The following IQSEC1 variants were observed in gnomAD, a reference collection of about 807,000 sequenced individuals.
IQSEC1 encodes IQ motif and SEC7 domain-containing protein 1.
IQSEC1 carries 31 observed loss-of-function variants against 91.0 expected under a neutral mutation model. The observed-to-expected ratio is 0.34, with a 90% confidence interval of 0.26 to 0.46. IQSEC1 has a LOEUF of 0.46. Among genes scored for constraint, IQSEC1 ranks in the 20% least tolerant of loss-of-function variants. IQSEC1 has a pLI of 1.00. For synonymous variants in IQSEC1, 699 were observed against 662.6 expected (o/e 1.05, Z -0.84); for missense variants, 1,388 against 1,575.6 (o/e 0.88, Z 2.02).
At chr3:13,066,870 G>A (rs1705252413) in intron 1 of IQSEC1, among the ~76,000 whole-genome samples, 1 of 152,270 alleles carries the variant, frequency 6.6e-6, no homozygotes, top group African/African-American at 2.4e-5. Context: ...TGGACTAGAT[G>A]TCCAGTGACC....
intron 1 of IQSEC1, among the ~76,000 whole-genome samples, chr3:13,021,399 G>A (rs1216280698): frequency 1.3e-5 from 2 of 152,158 alleles, no homozygotes; most frequent in South Asian, 2.1e-4. Context: ...AAAGCTCAAC[G>A]GCAAGGGTCA....
rs955265569 is a variant in IQSEC1 at position 12,900,210 on chromosome 3, CTA to C, written c.*771_*772del. 3.1e-6 allele frequency: 3 copies of C among 981,056 alleles called. No homozygotes were observed. Among genetic ancestry groups the C allele is most frequent in the African/African-American group, 3.5e-5 (2 of 57,032 alleles). The allele number at this position is 981,056 out of a possible 1,614,324, so 60.8% of individuals were successfully genotyped here. On this transcript the variant is annotated 3_prime_UTR_variant, in exon 14 of 14. Transcript: ENST00000613206. ...ACTGGACTTTTTAAACAGTTAGATG[CTA>C]TGTTACTTGGCACAGTTAGTAATGA...
intron 1 of IQSEC1, among the ~76,000 whole-genome samples, chr3:13,273,104 G>A (rs1332660523): frequency 7.9e-5 from 12 of 152,148 alleles, no homozygotes; most frequent in Non-Finnish European, 1.6e-4. Context: ...CATTTTACAG[G>A]TGAGGAAGCT....
chr3:12,959,411 G>A (rs759926419), intron 1 of IQSEC1, among the ~76,000 whole-genome samples: 3 of 152,160 alleles, frequency 2.0e-5, no homozygotes, highest in Non-Finnish European at 2.9e-5. Context: ...TCCACACCCC[G>A]CCCTCCAGAG....
At chr3:12,911,957 G>A (rs573430338) in intron 9 of IQSEC1, among the ~76,000 whole-genome samples, 49 of 152,314 alleles carry the variant, frequency 3.2e-4, no homozygotes, top group African/African-American at 1.1e-3. Context: ...ACATAGAGGC[G>A]GTAGGCACTT....
At chr3:13,014,916 C>A (rs902114483) in intron 1 of IQSEC1, among the ~76,000 whole-genome samples, 1 of 152,138 alleles carries the variant, frequency 6.6e-6, no homozygotes, top group Non-Finnish European at 1.5e-5. Flanking sequence ...TGGGCTACTG[C>A]CAGATGGGAA....
intron 1 of IQSEC1, among the ~76,000 whole-genome samples, chr3:13,038,532 G>A (rs188816032): frequency 6.6e-6 from 1 of 152,082 alleles, no homozygotes; most frequent in East Asian, 1.9e-4. Context: ...GGTAGGTATG[G>A]TTAATGAATA....
chr3:13,233,113 G>A (rs928717581), intron 1 of IQSEC1, among the ~76,000 whole-genome samples: 2 of 152,202 alleles, frequency 1.3e-5, no homozygotes, highest in African/African-American at 2.4e-5. Flanking sequence ...ACTTAAAAAT[G>A]GTGACAATGG....
At chr3:13,070,864 A>G (rs931550521) in intron 1 of IQSEC1, among the ~76,000 whole-genome samples, 4 of 152,248 alleles carry the variant, frequency 2.6e-5, no homozygotes, top group Non-Finnish European at 5.9e-5. Context: ...TCCAGGAATC[A>G]GCAAATCCAC....
intron 6 of IQSEC1, among the ~76,000 whole-genome samples, chr3:12,919,059 C>T (rs1343083087): frequency 6.6e-6 from 1 of 151,954 alleles, no homozygotes; most frequent in African/African-American, 2.4e-5. Context: ...GGCTTGGCCC[C>T]ATGAGAAGGG....
chr3:12,947,791 G>A (rs1458370338), intron 1 of IQSEC1, among the ~76,000 whole-genome samples: 9 of 152,202 alleles, frequency 5.9e-5, no homozygotes, highest in Admixed American at 4.6e-4. Flanking sequence ...CCAGACTGGG[G>A]ACTCCAAGCT....
At chr3:13,101,123 C>A (rs748058198) in intron 2 of IQSEC1, among the ~76,000 whole-genome samples, 2 of 152,106 alleles carry the variant, frequency 1.3e-5, no homozygotes, top group Non-Finnish European at 2.9e-5. Flanking sequence ...TTCTGCTAAG[C>A]GCAGCGAGGA....
At position 13,275,151 on chromosome 3, in the gene IQSEC1, G is replaced by C. The variant is rs1387750331; in HGVS notation, c.272+7560C>G. 3.3e-5 allele frequency among the ~76,000 whole-genome samples: 5 copies of C among 152,230 alleles called. No homozygotes were observed. In the South Asian group the frequency reaches 1.0e-3, roughly 31 times the overall value. ...ACAGTTCACACTTGTCACAGGGTTA[G>C]AGCATCAACAGAGACATGGAGAAGA... is the stretch of plus-strand genomic sequence containing the variant. On this transcript the variant is annotated intron_variant, in intron 1 of 15. Transcript: ENST00000648114.
chr3:13,151,842 T>C (rs906277924), intron 2 of IQSEC1, among the ~76,000 whole-genome samples: 4 of 152,106 alleles, frequency 2.6e-5, no homozygotes, highest in African/African-American at 9.7e-5. Flanking sequence ...GGCAGGTGCC[T>C]GTAATCCCAG....
chr3:12,999,275 G>T (rs943421053), intron 1 of IQSEC1, among the ~76,000 whole-genome samples: 1 of 152,150 alleles, frequency 6.6e-6, no homozygotes, highest in Non-Finnish European at 1.5e-5. Context: ...CTCCCTGGAA[G>T]AGCCACTTAG....
At chr3:13,083,816 T>A (rs186029721) in intron 2 of IQSEC1, among the ~76,000 whole-genome samples, 3 of 152,238 alleles carry the variant, frequency 2.0e-5, no homozygotes, top group Non-Finnish European at 2.9e-5. Flanking sequence ...CACTTTCTCC[T>A]TGTCTCCCCA....
At chr3:13,182,503 G>A (rs961813809) in intron 1 of IQSEC1, among the ~76,000 whole-genome samples, 6 of 152,140 alleles carry the variant, frequency 3.9e-5, no homozygotes, top group Admixed American at 6.5e-5. Context: ...GTGGATAAAC[G>A]GGTGGCAATG....
rs139350699 is a variant in IQSEC1, at chr3:13,227,866, G to A, written c.272+54845C>T. 2.5e-3 allele frequency among the ~76,000 whole-genome samples: 380 copies of A among 152,332 alleles called. 2 individuals carry two copies. Among genetic ancestry groups the A allele is most frequent in the Admixed American group, 0.022 (340 of 15,306 alleles). Reference sequence around the variant, plus strand: ...ACTGCCTTGGCTTGGAGCTGCAGGAGGCAGGCTAAGCCCACACGGATGCCG... The same window carrying A: ...ACTGCCTTGGCTTGGAGCTGCAGGAAGCAGGCTAAGCCCACACGGATGCCG... On this transcript the variant is annotated intron_variant, in intron 1 of 15. Coordinates refer to the IQSEC1 transcript ENST00000648114.
At chr3:13,081,125 CA>C (rs1320759399) in intron 2 of IQSEC1, among the ~76,000 whole-genome samples, 1 of 152,178 alleles carries the variant, frequency 6.6e-6, no homozygotes, top group Non-Finnish European at 1.5e-5. Context: ...TATATAAGTG[CA>C]TAGTCAGTAT....
Sources: gnomAD v4.1 joint callset for allele counts (sites outside exome capture counted in the v4.1 genomes callset) on GRCh38, gnomAD v4.1.1 for gene constraint, MANE v1.5 for transcripts, NCBI Gene and HGNC (gene_info 2026-07-23, HGNC 2026-07-21) for gene names.